KRAS: variants seen among roughly 807,000 people sequenced by gnomAD.
KRAS encodes KRas proto-oncogene, GTPase, also known as GTPase KRas.
KRAS carries 1 observed loss-of-function variant against 21.0 expected under a neutral mutation model. That is an observed-to-expected ratio of 0.05 (90% CI 0.02 to 0.23). KRAS has a LOEUF of 0.23. Among genes scored for constraint, KRAS ranks in the 10% least tolerant of loss-of-function variants. The probability of loss-of-function intolerance (pLI) is 1.00; values close to 1 mark genes in which losing one functional copy is unlikely to be tolerated. For synonymous variants in KRAS, 67 were observed against 72.5 expected (o/e 0.92, Z 0.39); for missense variants, 107 against 221.8 (o/e 0.48, Z 3.29).
intron 4 of KRAS, chr12:25,215,570 A>G (rs2141489289): frequency 6.2e-7 from 1 of 1,605,482 alleles, no homozygotes; most frequent in East Asian, 2.2e-5. Context: ...TCTGCATTGT[A>G]AAACACAACT....
intron 2 of KRAS, 22 bp downstream of exon 2, chr12:25,245,252 T>C (rs1415258518): frequency 5.0e-6 from 8 of 1,587,744 alleles, no homozygotes; most frequent in South Asian, 1.1e-5. Flanking sequence ...ACCAGTAATA[T>C]GCATATTAAA....
intron 1 of KRAS, among the ~76,000 whole-genome samples, chr12:25,248,387 T>C (rs1436825474): frequency 1.4e-5 from 2 of 144,776 alleles, no homozygotes; most frequent in East Asian, 2.0e-4. Flanking sequence ...GAGTCGGAGG[T>C]AGTAGCGGGC....
At chr12:25,235,054 A>G in intron 2 of KRAS, 1 of 373,724 alleles carries the variant, frequency 2.7e-6, no homozygotes, top group African/African-American at 2.0e-5. Context: ...TACAAACATC[A>G]TCTCATTTAA....
At chr12:25,236,640 GAGA>G (rs980700278) in intron 2 of KRAS, among the ~76,000 whole-genome samples, 1 of 152,026 alleles carries the variant, frequency 6.6e-6, no homozygotes, top group Non-Finnish European at 1.5e-5. Context: ...AAATAAGAGA[GAGA>G]AGAAGGGGGA....
At chr12:25,222,843 T>C (rs1429556871) in intron 4 of KRAS, among the ~76,000 whole-genome samples, 1 of 152,186 alleles carries the variant, frequency 6.6e-6, no homozygotes. Flanking sequence ...GTAGTAATCA[T>C]ACAACCACCA....
chr12:25,209,556 TCA>T lies in KRAS; in HGVS notation c.*237_*238del, dbSNP rs1951181106. 23 of 1,331,856 alleles carry T rather than the reference TCA, an allele frequency of 1.7e-5. No individual in the cohort carries two copies. The South Asian group carries it at 3.5e-4, about 20-fold the overall frequency. The allele number at this position is 1,331,856 out of a possible 1,614,324, so 82.5% of individuals were successfully genotyped here. A position where few individuals can be genotyped will look rare whatever the true frequency, so the allele number is the denominator to read the frequency against. On this transcript the variant is annotated 3_prime_UTR_variant, in exon 5 of 5. Transcript: ENST00000311936. ...GCCCCAAGACAGAAATCTTAGGTAT[TCA>T]GTTTCTTTTTCACAGGCATTGCTAG...
In KRAS at chr12:25,230,446, C is replaced by T. The variant is rs761274274; in HGVS notation, c.112-3034G>A. ...GAGTTTGAGATCAGCCTGACCAACA[C>T]GGAGAAACCCCATCTCTACTAAACA... On this transcript the variant is annotated intron_variant, in intron 2 of 4. Coordinates refer to ENST00000311936, the MANE Select transcript of KRAS (RefSeq NM_004985.5). 1.4e-4 allele frequency among the ~76,000 whole-genome samples: 22 copies of T among 152,120 alleles called. No individual in the cohort carries two copies. In the East Asian group the frequency reaches 1.9e-3, roughly 13 times the overall value.
chr12:25,206,820 ATTAC>A lies in KRAS; in HGVS notation c.*2971_*2974del, dbSNP rs886049184. 1.0e-5 allele frequency: 2 copies of A among 197,944 alleles called. No homozygotes were observed. Among genetic ancestry groups the A allele is most frequent in the Admixed American group, 1.2e-4 (2 of 16,572 alleles). 12.3% of individuals were successfully genotyped at this position (197,944 alleles called of 1,614,324 possible). A position where few individuals can be genotyped will look rare whatever the true frequency, so the allele number is the denominator to read the frequency against. On this transcript the variant is annotated 3_prime_UTR_variant, in exon 5 of 5. Coordinates refer to ENST00000311936, the MANE Select transcript of KRAS (RefSeq NM_004985.5). Reference sequence around the variant, plus strand: ...ACTATTAATTTTTAAGTATATTTTAATTACTTATGCAGAGAAAACTGGAATATTA... The same window carrying A: ...ACTATTAATTTTTAAGTATATTTTAATTATGCAGAGAAAACTGGAATATTA...
chr12:25,229,608 C>T (rs12815546), intron 2 of KRAS, among the ~76,000 whole-genome samples: 74,163 of 148,662 alleles, frequency 0.5, 19,147 homozygotes, highest in East Asian at 0.8. Flanking sequence ...AGATTTCACA[C>T]ATTCTGCCAA....
chr12:25,209,610 T>A lies in KRAS; in HGVS notation c.*185A>T, dbSNP rs778664499. The A allele has an allele frequency of 7.4e-7, 1 of 1,353,780 alleles. No individual in the cohort carries two copies. Among genetic ancestry groups the A allele is most frequent in the Non-Finnish European group, 9.5e-7 (1 of 1,055,264 alleles). The allele number at this position is 1,353,780 out of a possible 1,614,324, so 83.9% of individuals were successfully genotyped here. ...TCAAAAACCAAAACTCTGGGAATACTGGCACTTAGAGGAAAAAAAAACTTC... is the reference window on the plus strand; with the variant it reads ...TCAAAAACCAAAACTCTGGGAATACAGGCACTTAGAGGAAAAAAAAACTTC... On this transcript the variant is annotated 3_prime_UTR_variant, in exon 5 of 5. Coordinates refer to ENST00000311936, the MANE Select transcript of KRAS (RefSeq NM_004985.5).
chr12:25,221,540 CTATTTT>C (rs1951326083), intron 4 of KRAS, among the ~76,000 whole-genome samples: 2 of 151,982 alleles, frequency 1.3e-5, no homozygotes, highest in Non-Finnish European at 2.9e-5. Flanking sequence ...TGCGGCCAGC[CTATTTT>C]TATACTATGC....
In KRAS at chr12:25,208,222, AG is replaced by A; in HGVS notation, c.*1572del. The A allele has an allele frequency of 4.3e-6, 1 of 233,342 alleles. No individual in the cohort carries two copies. Among genetic ancestry groups the A allele is most frequent in the Non-Finnish European group, 8.5e-6 (1 of 117,874 alleles). The allele number at this position is 233,342 out of a possible 1,614,324, so 14.5% of individuals were successfully genotyped here. A position where few individuals can be genotyped will look rare whatever the true frequency, so the allele number is the denominator to read the frequency against. ...CTTCTTTTAACATGAAGAAATGGAT[AG>A]TAAGTGATGTCCTCAAAATCAGAGT... On this transcript the variant is annotated 3_prime_UTR_variant, in exon 5 of 5. Coordinates refer to ENST00000311936, the MANE Select transcript of KRAS (RefSeq NM_004985.5).
At chr12:25,213,714 T>C (rs537608808) in intron 4 of KRAS, among the ~76,000 whole-genome samples, 121 of 152,316 alleles carry the variant, frequency 7.9e-4, no homozygotes, top group African/African-American at 2.7e-3. Flanking sequence ...ATATAATAAA[T>C]GTAGTAGTTT....
chr12:25,217,969 C>T (rs1951273884), intron 4 of KRAS, among the ~76,000 whole-genome samples: 1 of 151,896 alleles, frequency 6.6e-6, no homozygotes, highest in Non-Finnish European at 1.5e-5. Flanking sequence ...ATTATTTTTA[C>T]CTTTGTCTTG....
chr12:25,250,920 C>A lies in KRAS; in HGVS notation c.-181G>T. The A allele has an allele frequency of 4.0e-6, 1 of 251,278 alleles. No individual in the cohort carries two copies. Among genetic ancestry groups the A allele is most frequent in the East Asian group, 6.2e-5 (1 of 16,110 alleles). The allele number at this position is 251,278 out of a possible 1,614,324, so 15.6% of individuals were successfully genotyped here. A position where few individuals can be genotyped will look rare whatever the true frequency, so the allele number is the denominator to read the frequency against. On this transcript the variant is annotated 5_prime_UTR_variant, in exon 1 of 5. Transcript: ENST00000311936. ...CCGCTGCTGCCTCCGCCGCCGCGGC[C>A]GCCGCCTAGGAAAATCGAGCTCCGA...
chr12:25,232,636 G>C (rs1353308434), intron 2 of KRAS, among the ~76,000 whole-genome samples: 1 of 151,956 alleles, frequency 6.6e-6, no homozygotes, highest in Admixed American at 6.6e-5. Flanking sequence ...AAGTTACCAA[G>C]GTTACTAATT....
intron 4 of KRAS, 166 bp downstream of exon 4, chr12:25,225,448 T>C (rs778511868): frequency 5.9e-6 from 4 of 672,516 alleles, no homozygotes; most frequent in Non-Finnish European, 1.0e-5. Context: ...AGCAGTACCA[T>C]GGACACTGGA....
intron 4 of KRAS, among the ~76,000 whole-genome samples, chr12:25,212,455 T>C (rs995691895): frequency 1.3e-5 from 2 of 152,180 alleles, no homozygotes; most frequent in Admixed American, 6.5e-5. Flanking sequence ...CCCAGTGCAG[T>C]GGCTCACACC....
chr12:25,226,853 C>T (rs904178012), intron 3 of KRAS, among the ~76,000 whole-genome samples: 7 of 152,272 alleles, frequency 4.6e-5, no homozygotes, highest in South Asian at 2.1e-4. Context: ...GCTATACACA[C>T]GATTGCTTTT....
Sources: allele counts gnomAD v4.1 joint callset (sites outside exome capture counted in the v4.1 genomes callset), GRCh38; gene constraint gnomAD v4.1.1; transcripts MANE v1.5; gene names NCBI Gene and HGNC (gene_info 2026-07-23, HGNC 2026-07-21).